UBAP2: variants seen among roughly 807,000 people sequenced by gnomAD.
The protein encoded by UBAP2 is ubiquitin-associated protein 2.
UBAP2 carries 75 observed loss-of-function variants against 139.6 expected under a neutral mutation model. The observed-to-expected ratio is 0.54, with a 90% confidence interval of 0.45 to 0.65. UBAP2 has a LOEUF of 0.65. UBAP2 is among the 30% of genes least tolerant of loss of function. The pLI, the probability that UBAP2 is intolerant of heterozygous loss-of-function variation, is 0.00. For missense variants in UBAP2, 1,368 were observed against 1,369.6 expected (o/e 1.00, Z 0.02); for synonymous variants, 526 against 526.2 (o/e 1.00, Z 0.01).
intron 22 of UBAP2, 36 bp downstream of exon 22, chr9:33,926,581 G>T: frequency 6.2e-7 from 1 of 1,613,238 alleles, no homozygotes; most frequent in Non-Finnish European, 8.5e-7. Context: ...AAAAGATTCT[G>T]AACCCTCTGC....
At chr9:33,945,014 C>G (rs569005544) in intron 13 of UBAP2, among the ~76,000 whole-genome samples, 1 of 152,016 alleles carries the variant, frequency 6.6e-6, no homozygotes, top group East Asian at 1.9e-4. Flanking sequence ...CCTATAATGC[C>G]AGCACTTTGG....
chr9:33,948,893 T>C, intron 12 of UBAP2: 1 of 267,918 alleles, frequency 3.7e-6, no homozygotes, highest in Non-Finnish European at 7.3e-6. Context: ...CTCACGCCTG[T>C]AATCCCAACA....
At chr9:34,036,806 CTTTTTT>C (rs869116521) in intron 1 of UBAP2, among the ~76,000 whole-genome samples, 1 of 99,500 alleles carries the variant, frequency 1.0e-5, no homozygotes, top group South Asian at 3.0e-4. Flanking sequence ...AAGTTTTTCT[CTTTTTT>C]TTTTTTTTTT....
intron 16 of UBAP2, among the ~76,000 whole-genome samples, chr9:33,938,656 C>T (rs1333854689): frequency 6.6e-6 from 1 of 151,858 alleles, no homozygotes; most frequent in Non-Finnish European, 1.5e-5. Context: ...AATTAGCCAG[C>T]ATGGTGATGG....
intron 4 of UBAP2, chr9:33,995,472 TATAA>T (rs1443691078): frequency 1.2e-4 from 17 of 138,422 alleles, no homozygotes; most frequent in Middle Eastern, 3.3e-3. Flanking sequence ...ATATTAAATA[TATAA>T]ATATATTTAT....
intron 16 of UBAP2, among the ~76,000 whole-genome samples, chr9:33,938,493 GAAACAA>G (rs976280945): frequency 1.1e-4 from 16 of 152,080 alleles, no homozygotes; most frequent in African/African-American, 3.6e-4. Context: ...AACTTATGTT[GAAACAA>G]AAACAGCTTG....
chr9:34,021,144 T>A (rs1396965705), intron 1 of UBAP2, among the ~76,000 whole-genome samples: 1 of 152,190 alleles, frequency 6.6e-6, no homozygotes, highest in African/African-American at 2.4e-5. Flanking sequence ...TCATACTAAT[T>A]CAGGTACCAA....
chr9:33,935,558 C>T (rs535950886), intron 17 of UBAP2: 169 of 440,886 alleles, frequency 3.8e-4, no homozygotes, highest in Non-Finnish European at 6.2e-4. Context: ...TCAGCCACCC[C>T]GCCTGGCCCA....
intron 9 of UBAP2, 100 bp downstream of exon 9, chr9:33,963,626 T>C: frequency 1.4e-6 from 1 of 692,306 alleles, no homozygotes; most frequent in East Asian, 2.8e-5. Flanking sequence ...AACATTTATC[T>C]GATAAATTTT....
Position 33,983,366 on chromosome 9 carries a change from G to A in UBAP2, c.520+3394C>T, listed in dbSNP as rs374992595. Among the ~76,000 whole-genome samples the A allele has an allele frequency of 6.0e-4, 91 of 152,232 alleles. 1 individual carries two copies. The highest frequency in any genetic ancestry group is 2.0e-3 in the African/African-American group (83 of 41,522). On this transcript the variant is annotated intron_variant, in intron 6 of 28. Transcript: ENST00000379238. Reference sequence around the variant, plus strand: ...GGGATTTCAGTCATGAAGATTTGACGATTTCTCTAAGACGCCCACTAATGC... The same window carrying A: ...GGGATTTCAGTCATGAAGATTTGACAATTTCTCTAAGACGCCCACTAATGC...
intron 16 of UBAP2, among the ~76,000 whole-genome samples, chr9:33,938,377 T>C (rs1824785309): frequency 6.6e-6 from 1 of 151,722 alleles, no homozygotes. Context: ...GCAATCCACC[T>C]GCCTCCACCT....
At chr9:34,024,800 A>G (rs1825267418) in intron 1 of UBAP2, among the ~76,000 whole-genome samples, 2 of 152,262 alleles carry the variant, frequency 1.3e-5, no homozygotes, top group South Asian at 2.1e-4. Flanking sequence ...CCTGGCAAAC[A>G]TGGCGAAACC....
rs760091202 is a variant in UBAP2, at chr9:33,943,403, A to G, written c.1715+17T>C. ...TAGGGTCTATTTTGCTTCATAACAA[A>G]GGACTAAATTCAGTACCTTAAAGAC... On this transcript the variant is annotated intron_variant, in intron 15 of 28. Transcript: ENST00000379238. 18 of 1,612,792 alleles carry G rather than the reference A, an allele frequency of 1.1e-5. No homozygotes were observed. Among genetic ancestry groups the G allele is most frequent in the Non-Finnish European group, 1.5e-5 (18 of 1,179,262 alleles).
At chr9:34,021,413 T>G (rs1322335928) in intron 1 of UBAP2, among the ~76,000 whole-genome samples, 1 of 152,240 alleles carries the variant, frequency 6.6e-6, no homozygotes, top group East Asian at 1.9e-4. Flanking sequence ...ATACACATTT[T>G]GCATCCTTTT....
At chr9:33,948,891 T>C (rs1343276562) in intron 12 of UBAP2, 1 of 271,944 alleles carries the variant, frequency 3.7e-6, no homozygotes, top group East Asian at 8.3e-5. Context: ...GGCTCACGCC[T>C]GTAATCCCAA....
intron 22 of UBAP2, among the ~76,000 whole-genome samples, chr9:33,926,226 T>C (rs1823417549): frequency 6.6e-6 from 1 of 152,154 alleles, no homozygotes; most frequent in African/African-American, 2.4e-5. Context: ...TATGGTACTC[T>C]GAGGAAGAGG....
intron 1 of UBAP2, among the ~76,000 whole-genome samples, chr9:34,035,936 A>C (rs1488802531): frequency 1.3e-5 from 2 of 151,388 alleles, no homozygotes; most frequent in Non-Finnish European, 2.9e-5. Flanking sequence ...GAGCCCAGGT[A>C]GGTTAAGGCT....
chr9:33,944,470 A>G lies in UBAP2; in HGVS notation c.1440T>C (p.Leu480=), dbSNP rs538861520. Residue 480 remains leucine (L), a synonymous_variant, in exon 14 of 29, where the codon CTT becomes CTC. Coordinates refer to ENST00000379238, the MANE Select transcript of UBAP2 (RefSeq NM_001370062.2). ...CAATGGTCGTGCTGGGAAGCTGCAAAAGCTTGTTCACAGTGGAGGGACTGT... is the reference window on the plus strand; with the variant it reads ...CAATGGTCGTGCTGGGAAGCTGCAAGAGCTTGTTCACAGTGGAGGGACTGT... ...PGDSPSTVNK[L]LQLPSTTIEN... 1.2e-6 allele frequency: 2 copies of G among 1,614,064 alleles called. No homozygotes were observed. Among genetic ancestry groups the G allele is most frequent in the East Asian group, 2.2e-5 (1 of 44,878 alleles).
At chr9:33,972,718 A>G (rs1828001807) in intron 7 of UBAP2, among the ~76,000 whole-genome samples, 1 of 152,216 alleles carries the variant, frequency 6.6e-6, no homozygotes, top group Non-Finnish European at 1.5e-5. Flanking sequence ...AATGTTTACT[A>G]TTTCAATTCA....
Sources: gnomAD v4.1 joint callset for allele counts (sites outside exome capture counted in the v4.1 genomes callset) on GRCh38, gnomAD v4.1.1 for gene constraint, MANE v1.5 for transcripts, NCBI Gene and HGNC (gene_info 2026-07-23, HGNC 2026-07-21) for gene names.